FSTL5: variants seen among roughly 807,000 people sequenced by gnomAD.
The protein encoded by FSTL5 is follistatin like 5.
FSTL5 carries 62 observed loss-of-function variants against 89.1 expected under a neutral mutation model. The observed-to-expected ratio is 0.70, with a 90% CI of 0.57 to 0.86. The LOEUF (loss-of-function observed/expected upper bound fraction) is 0.86. Among genes scored for constraint, FSTL5 ranks in the 40% least tolerant of loss-of-function variants. The probability of loss-of-function intolerance (pLI) is 0.00; values close to 1 mark genes in which losing one functional copy is unlikely to be tolerated. For missense variants in FSTL5, 1,057 were observed against 1,001.6 expected (o/e 1.06, Z -0.75); for synonymous variants, 383 against 346.2 (o/e 1.11, Z -1.18).
intron 10 of FSTL5, among the ~76,000 whole-genome samples, chr4:161,537,517 C>A (rs1018451934): frequency 1.3e-5 from 2 of 152,192 alleles, no homozygotes; most frequent in African/African-American, 4.8e-5. Flanking sequence ...CCATCCTCAG[C>A]ATCCCCACCC....
At chr4:161,779,821 A>ATATATG (rs1741590327) in intron 4 of FSTL5, among the ~76,000 whole-genome samples, 43 of 63,332 alleles carry the variant, frequency 6.8e-4, no homozygotes, top group Non-Finnish European at 1.1e-3. Flanking sequence ...GTATATATAT[A>ATATATG]TATATATATA....
chr4:161,447,865 T>C (rs1020476545), intron 15 of FSTL5, among the ~76,000 whole-genome samples: 21 of 152,144 alleles, frequency 1.4e-4, no homozygotes, highest in Non-Finnish European at 2.9e-5. Flanking sequence ...CACAGGCATA[T>C]ATAAAAGTAT....
chr4:162,145,257 G>C (rs1424377094), intron 1 of FSTL5, among the ~76,000 whole-genome samples: 1 of 151,900 alleles, frequency 6.6e-6, no homozygotes, highest in Non-Finnish European at 1.5e-5. Flanking sequence ...ATCTCAACAT[G>C]ATGAGCTTTA....
At chr4:161,520,244 G>T (rs1730976822) in intron 10 of FSTL5, among the ~76,000 whole-genome samples, 1 of 151,672 alleles carries the variant, frequency 6.6e-6, no homozygotes, top group Non-Finnish European at 1.5e-5. Context: ...CATTTTTTAA[G>T]GGGCATTATT....
At chr4:161,755,952 A>T (rs1441275440) in intron 6 of FSTL5, among the ~76,000 whole-genome samples, 1 of 152,046 alleles carries the variant, frequency 6.6e-6, no homozygotes, top group East Asian at 1.9e-4. Flanking sequence ...GGAGAGAGAT[A>T]AAGAAATCGA....
chr4:161,572,290 A>G (rs906025652), intron 8 of FSTL5, among the ~76,000 whole-genome samples: 1 of 138,864 alleles, frequency 7.2e-6, no homozygotes, highest in African/African-American at 2.7e-5. Flanking sequence ...ACTGCACTCC[A>G]GCCTGGGTGA....
chr4:161,437,629 T>C lies in FSTL5; in HGVS notation c.1841+17375A>G, dbSNP rs1273388935. Among the ~76,000 whole-genome samples, 6 of 150,832 alleles carry C rather than the reference T, an allele frequency of 4.0e-5. No homozygotes were observed. In the Admixed American group the frequency reaches 4.0e-4, roughly 10 times the overall value. ...TCCCATGAAAGTATCTTGTTATTTC[T>C]TTTAAAGAGAATGGACACTTTATCA... On this transcript the variant is annotated intron_variant, in intron 15 of 15. Transcript: ENST00000306100.
chr4:162,106,096 C>T (rs191928072), intron 2 of FSTL5, among the ~76,000 whole-genome samples: 1 of 152,174 alleles, frequency 6.6e-6, no homozygotes, highest in East Asian at 1.9e-4. Flanking sequence ...TTGAATTATA[C>T]TGTACTATCA....
chr4:161,770,089 T>C (rs1741155897), intron 5 of FSTL5, among the ~76,000 whole-genome samples: 1 of 152,044 alleles, frequency 6.6e-6, no homozygotes, highest in Non-Finnish European at 1.5e-5. Flanking sequence ...GAGATCATTA[T>C]GTTACATGAA....
chr4:161,748,320 AC>A (rs1740273614), intron 6 of FSTL5, among the ~76,000 whole-genome samples: 1 of 152,174 alleles, frequency 6.6e-6, no homozygotes, highest in African/African-American at 2.4e-5. Context: ...TTTTGCACAT[AC>A]CTTTTTAAAC....
At chr4:161,447,112 T>C (rs2126381752) in intron 15 of FSTL5, among the ~76,000 whole-genome samples, 1 of 152,192 alleles carries the variant, frequency 6.6e-6, no homozygotes, top group Non-Finnish European at 1.5e-5. Flanking sequence ...AGAGCTATTT[T>C]ACTTTGCATA....
At chr4:161,408,123 T>C (rs1407485655) in intron 15 of FSTL5, among the ~76,000 whole-genome samples, 5 of 152,146 alleles carry the variant, frequency 3.3e-5, no homozygotes, top group Non-Finnish European at 7.3e-5. Flanking sequence ...CAGTTTGGCA[T>C]TGGAGGTGGC....
chr4:161,480,696 G>C (rs1729473085), intron 13 of FSTL5, among the ~76,000 whole-genome samples: 1 of 152,084 alleles, frequency 6.6e-6, no homozygotes, highest in African/African-American at 2.4e-5. Flanking sequence ...TGTCTTAATT[G>C]GCCTCTGCCT....
chr4:161,669,151 A>AAAATAAAT (rs371057731), intron 6 of FSTL5, among the ~76,000 whole-genome samples: 4 of 150,924 alleles, frequency 2.7e-5, no homozygotes, highest in Non-Finnish European at 5.9e-5. Context: ...AAGAAAAAGA[A>AAAATAAAT]AAATAAATAA....
chr4:161,924,832 T>A (rs1734081085), intron 3 of FSTL5, among the ~76,000 whole-genome samples: 1 of 151,898 alleles, frequency 6.6e-6, no homozygotes, highest in South Asian at 2.1e-4. Flanking sequence ...ACTATTATTA[T>A]GGAATATTAA....
chr4:161,589,810 G>A (rs945045615), intron 7 of FSTL5, among the ~76,000 whole-genome samples: 6 of 152,018 alleles, frequency 3.9e-5, no homozygotes, highest in African/African-American at 7.2e-5. Context: ...CCACACAAAC[G>A]TGCAGGACTG....
At chr4:161,777,762 T>C (rs1477317882) in intron 4 of FSTL5, among the ~76,000 whole-genome samples, 3 of 152,136 alleles carry the variant, frequency 2.0e-5, no homozygotes, top group Non-Finnish European at 4.4e-5. Flanking sequence ...GGGAACATCA[T>C]AGTTAGTGAA....
intron 3 of FSTL5, among the ~76,000 whole-genome samples, chr4:161,931,781 G>A (rs1734291598): frequency 6.6e-6 from 1 of 151,828 alleles, no homozygotes; most frequent in African/African-American, 2.4e-5. Context: ...TGCTTTCTTT[G>A]CAGTAGGTGG....
intron 15 of FSTL5, among the ~76,000 whole-genome samples, chr4:161,425,131 G>T (rs2126324327): frequency 6.6e-6 from 1 of 152,240 alleles, no homozygotes; most frequent in East Asian, 1.9e-4. Flanking sequence ...GTCAGAATGT[G>T]GTAGAATACT....
Sources: gnomAD v4.1 joint callset for allele counts (sites outside exome capture counted in the v4.1 genomes callset) on GRCh38, gnomAD v4.1.1 for gene constraint, MANE v1.5 for transcripts, NCBI Gene and HGNC (gene_info 2026-07-23, HGNC 2026-07-21) for gene names.